Variants in LONP2 observed in about 807,000 individuals in gnomAD.
LONP2 encodes lon protease homolog 2, peroxisomal.
Under a neutral mutation model 85.6 loss-of-function variants are expected in LONP2, and 60 were observed. That is an observed-to-expected ratio of 0.70 (90% CI 0.57 to 0.87). LONP2 has a LOEUF of 0.87. LONP2 is among the 40% of genes least tolerant of loss of function. The pLI is 0.00. For missense variants in LONP2, 860 were observed against 1,063.5 expected (o/e 0.81, Z 2.66); for synonymous variants, 395 against 389.7 (o/e 1.01, Z -0.16).
intron 10 of LONP2, among the ~76,000 whole-genome samples, chr16:48,302,399 G>A (rs1407999582): frequency 6.6e-6 from 1 of 152,164 alleles, no homozygotes; most frequent in African/African-American, 2.4e-5. Flanking sequence ...TTAATCAAAT[G>A]TATGGCTTTG....
intron 11 of LONP2, among the ~76,000 whole-genome samples, chr16:48,324,140 C>G (rs1394642923): frequency 6.6e-6 from 1 of 152,128 alleles, no homozygotes; most frequent in Non-Finnish European, 1.5e-5. Flanking sequence ...ATGGGAAGGT[C>G]CTTAGATGCA....
intron 12 of LONP2, among the ~76,000 whole-genome samples, chr16:48,341,231 C>T (rs1454710936): frequency 2.6e-5 from 4 of 152,080 alleles, no homozygotes; most frequent in Admixed American, 6.5e-5. Flanking sequence ...ACCCAGGAGG[C>T]GGAGGTTGCA....
chr16:48,275,190 C>T (rs1360302706), intron 7 of LONP2, among the ~76,000 whole-genome samples: 2 of 152,128 alleles, frequency 1.3e-5, no homozygotes, highest in East Asian at 1.9e-4. Context: ...CCTGTGTTCT[C>T]TCATGATCCT....
rs889400001 is a variant in LONP2, at chr16:48,362,932, T to C, written c.*1069T>C. On this transcript the variant is annotated 3_prime_UTR_variant, in exon 5 of 5. Transcript: ENST00000565867. The surrounding 1 kb of genome is among the most constrained non-coding windows in gnomAD (Gnocchi z 4.2). ...CTGCATCCGAGGACTTCACCAGCCA[T>C]GGATTGAAAATATTCAGAAAAATTT... The C allele has an allele frequency of 1.2e-5, 2 of 166,278 alleles. No homozygotes were observed. The highest frequency in any genetic ancestry group is 4.8e-5 in the African/African-American group (2 of 41,462). 10.3% of individuals were successfully genotyped at this position (166,278 alleles called of 1,614,324 possible). A position where few individuals can be genotyped will look rare whatever the true frequency, so the allele number is the denominator to read the frequency against.
At chr16:48,311,217 T>C (rs2151007650) in intron 11 of LONP2, among the ~76,000 whole-genome samples, 1 of 152,264 alleles carries the variant, frequency 6.6e-6, no homozygotes, top group South Asian at 2.1e-4. Context: ...CTAGGGAAGG[T>C]TTTCTCAATT....
In LONP2 at chr16:48,354,853, A is replaced by ACTC. The variant is rs1198407415; in HGVS notation, c.*3053_*3055dup. ...GCCACTTTAGCTTTAGCTCAAAGGAACTCCAACTTTTTATTATTTGCAACA... is the reference window on the plus strand; with the variant it reads ...GCCACTTTAGCTTTAGCTCAAAGGAACTCCTCCAACTTTTTATTATTTGCAACA... On this transcript the variant is annotated 3_prime_UTR_variant, in exon 15 of 15. Coordinates refer to ENST00000285737, the MANE Select transcript of LONP2 (RefSeq NM_031490.5). The ACTC allele has an allele frequency of 6.6e-6, 1 of 151,410 alleles. No homozygotes were observed. The highest frequency in any genetic ancestry group is 1.5e-5 in the Non-Finnish European group (1 of 67,914). 9.4% of individuals were successfully genotyped at this position (151,410 alleles called of 1,614,324 possible).
rs1204901305 is a variant in LONP2, at chr16:48,297,289, T to C, written c.1534+1124T>C. Among the ~76,000 whole-genome samples the C allele has an allele frequency of 2.6e-5, 4 of 152,154 alleles. No homozygotes were observed. The South Asian group carries it at 6.2e-4, about 24-fold the overall frequency. On this transcript the variant is annotated intron_variant, in intron 9 of 14. Transcript: ENST00000285737. ...TAAGGATTACAGACGTGAGCCACCA[T>C]GTCCAGCCTAAATGTCTTTTACTTA... is the stretch of plus-strand genomic sequence containing the variant.
chr16:48,258,813 A>C (rs534872133), intron 4 of LONP2, 73 bp downstream of exon 4: 1 of 1,381,072 alleles, frequency 7.2e-7, no homozygotes, highest in African/African-American at 1.5e-5. Context: ...CAAAGAAGAA[A>C]AGTTTATTGT....
At chr16:48,326,533 A>G (rs1959242113) in intron 11 of LONP2, among the ~76,000 whole-genome samples, 1 of 152,156 alleles carries the variant, frequency 6.6e-6, no homozygotes, top group South Asian at 2.1e-4. Flanking sequence ...TGTCTTGAAT[A>G]AAGATGATGA....
chr16:48,261,545 T>C lies in LONP2; in HGVS notation c.845T>C (p.Met282Thr), dbSNP rs1007138166. 6.2e-7 allele frequency: 1 copy of C among 1,606,006 alleles called. No homozygotes were observed. Among genetic ancestry groups the C allele is most frequent in the African/African-American group, 1.4e-5 (1 of 73,510 alleles). The stretch of plus-strand genomic sequence containing the variant: ...GAGAAAAAAATACGAACATCTAGTA[T>C]GCCAGAGCAGGCCCATAAAGTCTGT... ...MLEKKIRTSS[M>T]PEQAHKVCVK... is the part of the protein sequence containing the mutation. Residue 282 changes from methionine (M) to threonine (T), a missense_variant, in exon 5 of 15, where the codon ATG (methionine) becomes ACG (threonine). Physicochemically the swap from Met to Thr is moderately conservative, Grantham distance 81. Coordinates refer to ENST00000285737, the MANE Select transcript of LONP2 (RefSeq NM_031490.5).
chr16:48,283,703 A>G (rs1972377878), intron 8 of LONP2, among the ~76,000 whole-genome samples: 3 of 152,224 alleles, frequency 2.0e-5, no homozygotes, highest in African/African-American at 7.2e-5. Context: ...GCTGTGATGG[A>G]GATGTACAAG....
chr16:48,287,396 T>G (rs1421780360), intron 8 of LONP2, among the ~76,000 whole-genome samples: 1 of 152,272 alleles, frequency 6.6e-6, no homozygotes, highest in Non-Finnish European at 1.5e-5. Flanking sequence ...TTGGTCAGCC[T>G]CTTGTTAGTC....
Position 48,270,138 on chromosome 16 carries a change from C to A in LONP2, c.1105C>A (p.Pro369Thr). The A allele has an allele frequency of 6.2e-7, 1 of 1,613,952 alleles. No homozygotes were observed. ...ACAGCTCAAAAATAACCTGAAGGGC[C>A]CAATCCTATGCTTTGTTGGCCCTCC... ...VRQLKNNLKGPILCFVGPPGV... is the reference protein window; with the variant it reads ...VRQLKNNLKGTILCFVGPPGV... The change falls in exon 7 of 15, where the codon CCA (proline) becomes ACA (threonine). Residue 369 changes from proline (P) to threonine (T), a missense_variant. This residue lies in a region of LONP2 where 743 missense variants were observed against 917.3 expected (regional missense o/e 0.81). Transcript: ENST00000285737.
chr16:48,266,505 C>A (rs1009585337), intron 6 of LONP2, among the ~76,000 whole-genome samples: 3 of 151,992 alleles, frequency 2.0e-5, no homozygotes, highest in Non-Finnish European at 4.4e-5. Context: ...TTGATAATCC[C>A]TTCCTTCTTC....
intron 11 of LONP2, among the ~76,000 whole-genome samples, chr16:48,307,793 T>G (rs1439270215): frequency 6.6e-6 from 1 of 152,230 alleles, no homozygotes; most frequent in East Asian, 1.9e-4. Context: ...AAAGGAATAC[T>G]TGAGGCTGGG....
intron 2 of LONP2, among the ~76,000 whole-genome samples, chr16:48,252,881 CTA>C (rs1309528230): frequency 2.6e-5 from 4 of 152,120 alleles, no homozygotes; most frequent in African/African-American, 9.7e-5. Context: ...CTCTTTAATT[CTA>C]GTTCTTTTTG....
At chr16:48,357,722 A>T (rs1041762274), downstream of LONP2, among the ~76,000 whole-genome samples, 1 of 152,200 alleles carries the variant, frequency 6.6e-6, no homozygotes, top group Admixed American at 6.5e-5. Flanking sequence ...GATGTTTCTA[A>T]ATATGAAGAG....
At chr16:48,245,336 C>T (rs890432333) in intron 1 of LONP2, among the ~76,000 whole-genome samples, 1 of 152,200 alleles carries the variant, frequency 6.6e-6, no homozygotes, top group African/African-American at 2.4e-5. Context: ...TACCCTCGCC[C>T]TATTGGTGTG....
rs1960338902 is a variant in LONP2, at chr16:48,356,083, G to A, written c.*4281G>A. ...TGGGGCAGAGATCCTTACTTGCTTGGTGGTTACAAATGCAAATACAGTGAA... is the reference window on the plus strand; with the variant it reads ...TGGGGCAGAGATCCTTACTTGCTTGATGGTTACAAATGCAAATACAGTGAA... On this transcript the variant is annotated 3_prime_UTR_variant, in exon 15 of 15. Transcript: ENST00000285737. 1 of 152,156 alleles carries A rather than the reference G, an allele frequency of 6.6e-6. No individual in the cohort carries two copies. Among genetic ancestry groups the A allele is most frequent in the African/African-American group, 2.4e-5 (1 of 41,422 alleles). The allele number at this position is 152,156 out of a possible 1,614,324, so 9.4% of individuals were successfully genotyped here. A position where few individuals can be genotyped will look rare whatever the true frequency, so the allele number is the denominator to read the frequency against.
Sources: gnomAD v4.1 joint callset for allele counts (sites outside exome capture counted in the v4.1 genomes callset) on GRCh38, gnomAD v4.1.1 for gene constraint, gnomAD v4.1.1 regional missense constraint, Gnocchi (gnomAD v3.1) non-coding constraint, MANE v1.5 for transcripts, NCBI Gene and HGNC (gene_info 2026-07-23, HGNC 2026-07-21) for gene names.